FILIP1L: variants seen among roughly 807,000 people sequenced by gnomAD.
FILIP1L encodes the protein filamin A interacting protein 1 like.
FILIP1L carries 55 observed loss-of-function variants against 96.6 expected under a neutral mutation model. The ratio of observed to expected loss-of-function variants is 0.57; its 90% confidence interval spans 0.46 to 0.71. FILIP1L has a LOEUF of 0.71. Ranked by LOEUF, FILIP1L falls within the 30% of genes least tolerant of loss-of-function variation. The pLI is 0.00. For missense variants in FILIP1L, 1,304 were observed against 1,321.2 expected, an observed-to-expected ratio of 0.99 and a Z score of 0.20; for synonymous variants, 467 against 473.9, an observed-to-expected ratio of 0.99 and a Z score of 0.19.
chr3:99,852,302 C>G (rs748918965), intron 4 of FILIP1L, among the ~76,000 whole-genome samples: 4 of 152,138 alleles, frequency 2.6e-5, no homozygotes, highest in Non-Finnish European at 4.4e-5. Flanking sequence ...TACTTACATT[C>G]TGATAGGTAT....
intron 1 of FILIP1L, among the ~76,000 whole-genome samples, chr3:100,038,569 A>T (rs769347072): frequency 6.6e-6 from 1 of 152,234 alleles, no homozygotes; most frequent in Non-Finnish European, 1.5e-5. Context: ...AATAACCTAA[A>T]TGTACTTTTG....
chr3:100,028,670 T>C (rs2064969952), intron 1 of FILIP1L, among the ~76,000 whole-genome samples: 1 of 152,158 alleles, frequency 6.6e-6, no homozygotes, highest in African/African-American at 2.4e-5. Context: ...TGGAATAGCA[T>C]TTTTTTCCAT....
At chr3:100,051,868 A>C (rs2065380007) in intron 1 of FILIP1L, among the ~76,000 whole-genome samples, 1 of 148,566 alleles carries the variant, frequency 6.7e-6, no homozygotes, top group South Asian at 2.1e-4. Context: ...TAAGTATATA[A>C]TTTAATGTAA....
intron 4 of FILIP1L, among the ~76,000 whole-genome samples, chr3:99,856,839 G>A (rs1376166868): frequency 6.6e-6 from 1 of 152,070 alleles, no homozygotes; most frequent in Non-Finnish European, 1.5e-5. Flanking sequence ...GAGACACTGA[G>A]TATTAGTAAT....
intron 1 of FILIP1L, among the ~76,000 whole-genome samples, chr3:100,020,580 T>C (rs2064792921): frequency 6.6e-6 from 1 of 152,126 alleles, no homozygotes; most frequent in African/African-American, 2.4e-5. Context: ...TCTTTTGCCA[T>C]AAGCTAAAAG....
intron 1 of FILIP1L, among the ~76,000 whole-genome samples, chr3:100,045,659 A>G (rs1212714448): frequency 6.6e-6 from 1 of 152,230 alleles, no homozygotes; most frequent in Non-Finnish European, 1.5e-5. Context: ...TTGCTGCTGC[A>G]GTGACTGATT....
chr3:100,111,023 C>A (rs933201670), intron 1 of FILIP1L, among the ~76,000 whole-genome samples: 6 of 152,116 alleles, frequency 3.9e-5, no homozygotes, highest in Admixed American at 1.3e-4. Flanking sequence ...TTTTTTATTT[C>A]ATTACAATAA....
At chr3:100,105,547 G>C (rs1477711243) in intron 1 of FILIP1L, among the ~76,000 whole-genome samples, 1 of 152,160 alleles carries the variant, frequency 6.6e-6, no homozygotes, top group Non-Finnish European at 1.5e-5. Context: ...AGGGCTATAA[G>C]ATTAACCGAA....
chr3:99,863,569 C>CT (rs1265666032), intron 4 of FILIP1L, among the ~76,000 whole-genome samples: 1 of 152,138 alleles, frequency 6.6e-6, no homozygotes, highest in Non-Finnish European at 1.5e-5. Flanking sequence ...CCCTAGTTGT[C>CT]TGAGAAATAG....
At chr3:99,981,692 T>A (rs554708884) in intron 1 of FILIP1L, among the ~76,000 whole-genome samples, 9 of 152,166 alleles carry the variant, frequency 5.9e-5, no homozygotes, top group African/African-American at 1.9e-4. Flanking sequence ...TTGAAAAAAA[T>A]TGGTTGGAAT....
At chr3:99,907,402 C>T (rs1466352297) in intron 4 of FILIP1L, among the ~76,000 whole-genome samples, 2 of 152,132 alleles carry the variant, frequency 1.3e-5, no homozygotes, top group African/African-American at 4.8e-5. Flanking sequence ...CGCCCACCAC[C>T]ACGCCCAACT....
chr3:100,055,133 C>T (rs2065442860), intron 1 of FILIP1L, among the ~76,000 whole-genome samples: 1 of 152,200 alleles, frequency 6.6e-6, no homozygotes, highest in African/African-American at 2.4e-5. Context: ...CCCTTCAGAA[C>T]ATTCTCAGCA....
intron 4 of FILIP1L, among the ~76,000 whole-genome samples, chr3:99,868,285 T>C (rs1040768521): frequency 6.6e-6 from 1 of 152,080 alleles, no homozygotes; most frequent in African/African-American, 2.4e-5. Flanking sequence ...CCTTACAGAG[T>C]GGCTAAGGTT....
intron 4 of FILIP1L, among the ~76,000 whole-genome samples, chr3:99,918,630 G>A (rs1359631871): frequency 6.6e-6 from 1 of 152,152 alleles, no homozygotes; most frequent in African/African-American, 2.4e-5. Context: ...AGTTTTAAGA[G>A]TATGGTTTTA....
rs1198539852 is a variant in FILIP1L at position 99,931,015 on chromosome 3, A to T, written c.6T>A (p.Arg2=). 6.2e-7 allele frequency: 1 copy of T among 1,613,442 alleles called. No individual in the cohort carries two copies. The highest frequency in any genetic ancestry group is 1.1e-5 in the South Asian group (1 of 90,982). Residue 2 remains arginine, a synonymous_variant, in exon 2 of 6, where the codon CGT becomes CGA. Transcript: ENST00000477258. The part of the protein sequence containing the change: M[R]SRGSDTEGSA... Reference sequence around the variant, plus strand: ...AGCCCTCGGTATCACTGCCTCTGGAACGCATTCTTTAAAGCCTGGAAGGAG... The same window carrying T: ...AGCCCTCGGTATCACTGCCTCTGGATCGCATTCTTTAAAGCCTGGAAGGAG...
At chr3:99,870,772 C>A (rs923673689) in intron 4 of FILIP1L, among the ~76,000 whole-genome samples, 2 of 152,144 alleles carry the variant, frequency 1.3e-5, no homozygotes, top group South Asian at 4.1e-4. Context: ...ACTGGTTTAC[C>A]CACAGAAACT....
At chr3:99,971,272 G>A (rs192274475) in intron 1 of FILIP1L, among the ~76,000 whole-genome samples, 32 of 151,840 alleles carry the variant, frequency 2.1e-4, no homozygotes, top group African/African-American at 2.9e-4. Context: ...CCCGGGGCGC[G>A]GAGCTTGCAG....
chr3:99,968,352 T>C (rs561829686), intron 1 of FILIP1L, among the ~76,000 whole-genome samples: 1 of 151,828 alleles, frequency 6.6e-6, no homozygotes, highest in South Asian at 2.1e-4. Context: ...GGGATTAAGA[T>C]AAAGGACCTG....
In FILIP1L at chr3:100,084,531, G is replaced by A. The variant is rs144622495; in HGVS notation, c.-11+29522C>T. 3.1e-3 allele frequency among the ~76,000 whole-genome samples: 467 copies of A among 152,208 alleles called. 3 individuals carry two copies. The highest frequency in any genetic ancestry group is 0.01 in the African/African-American group (423 of 41,532). On this transcript the variant is annotated intron_variant, in intron 1 of 5. Coordinates refer to ENST00000477258, the MANE Select transcript of FILIP1L (RefSeq NM_001387850.1). ...TTTAAAAGGAACAGCCACTAAAAAC[G>A]GGAAAACAATACAGTGTTATGGGAA...
Sources: allele counts gnomAD v4.1 joint callset (sites outside exome capture counted in the v4.1 genomes callset), GRCh38; gene constraint gnomAD v4.1.1; transcripts MANE v1.5; gene names NCBI Gene and HGNC (gene_info 2026-07-23, HGNC 2026-07-21).